DNM3: variants seen among roughly 807,000 people sequenced by gnomAD.
DNM3 encodes the protein dynamin-3.
DNM3 carries 47 observed loss-of-function variants against 101.6 expected under a neutral mutation model. The observed-to-expected ratio is 0.46, with a 90% CI of 0.37 to 0.59. DNM3 has a LOEUF of 0.59. DNM3 is among the 20% of genes least tolerant of loss of function. The probability of loss-of-function intolerance (pLI) is 0.00; values close to 1 mark genes in which losing one functional copy is unlikely to be tolerated. For missense variants in DNM3, 849 were observed against 1,085.7 expected (o/e 0.78, Z 3.06); for synonymous variants, 385 against 387.9 (o/e 0.99, Z 0.09).
intron 11 of DNM3, among the ~76,000 whole-genome samples, chr1:172,075,538 C>T (rs1298452111): frequency 1.3e-5 from 2 of 152,126 alleles, no homozygotes; most frequent in Non-Finnish European, 2.9e-5. Context: ...TATGGCTAGC[C>T]AGTTTTCCCA....
intron 13 of DNM3, among the ~76,000 whole-genome samples, chr1:172,116,201 T>C (rs1455361594): frequency 6.6e-6 from 1 of 152,220 alleles, no homozygotes; most frequent in African/African-American, 2.4e-5. Flanking sequence ...TACATGCATC[T>C]TCCCCTTTTT....
intron 14 of DNM3, among the ~76,000 whole-genome samples, chr1:172,191,580 G>A (rs2059725558): frequency 6.6e-6 from 1 of 152,068 alleles, no homozygotes; most frequent in Non-Finnish European, 1.5e-5. Context: ...GATAGGGATG[G>A]CATTGAATCT....
rs559471333 is a variant in DNM3 at position 172,211,466 on chromosome 1, G to A, written c.1660-42107G>A. On this transcript the variant is annotated intron_variant, in intron 14 of 20. Coordinates refer to ENST00000627582, the MANE Select transcript of DNM3 (RefSeq NM_015569.5). Reference sequence around the variant, plus strand: ...ATGTGCAGTGACCATTGCCACAGGCGTGAACTTCTTAATGCATTTTGCAGA... The same window carrying A: ...ATGTGCAGTGACCATTGCCACAGGCATGAACTTCTTAATGCATTTTGCAGA... Among the ~76,000 whole-genome samples, 65 of 152,224 alleles carry A rather than the reference G, an allele frequency of 4.3e-4. 2 individuals are homozygous for A. In the South Asian group the frequency reaches 5.6e-3, roughly 13 times the overall value.
intron 1 of DNM3, among the ~76,000 whole-genome samples, chr1:171,913,626 C>A (rs1362707967): frequency 1.3e-5 from 2 of 152,170 alleles, no homozygotes; most frequent in Non-Finnish European, 2.9e-5. Flanking sequence ...GGATTCTTGA[C>A]CTCAGTGCTT....
chr1:172,143,399 C>T (rs917235845), intron 14 of DNM3, among the ~76,000 whole-genome samples: 1 of 152,058 alleles, frequency 6.6e-6, no homozygotes, highest in Non-Finnish European at 1.5e-5. Flanking sequence ...CCAGAACTTT[C>T]TTTAAGGGGC....
intron 2 of DNM3, among the ~76,000 whole-genome samples, chr1:171,968,808 AAATATT>A (rs1468348492): frequency 6.6e-6 from 1 of 152,168 alleles, no homozygotes; most frequent in African/African-American, 2.4e-5. Flanking sequence ...GACTAAATTT[AAATATT>A]GTTTTTAATT....
chr1:172,178,425 A>G (rs2059229569), intron 14 of DNM3, among the ~76,000 whole-genome samples: 1 of 151,994 alleles, frequency 6.6e-6, no homozygotes. Context: ...TTGAGTCTGT[A>G]TAATTCTGAG....
At chr1:172,200,541 A>G (rs2060116258) in intron 14 of DNM3, among the ~76,000 whole-genome samples, 1 of 152,138 alleles carries the variant, frequency 6.6e-6, no homozygotes, top group Non-Finnish European at 1.5e-5. Context: ...CAGGGATGCC[A>G]GTGATTTGTA....
chr1:172,388,457 T>G, intron 19 of DNM3, 116 bp from the exon 20 acceptor site: 2 of 894,670 alleles, frequency 2.2e-6, no homozygotes, highest in South Asian at 1.7e-5. Context: ...TGACATGAAT[T>G]GGACTTATTC....
At chr1:171,856,429 T>C (rs139870681) in intron 1 of DNM3, among the ~76,000 whole-genome samples, 2 of 152,338 alleles carry the variant, frequency 1.3e-5, no homozygotes, top group Non-Finnish European at 2.9e-5. Context: ...GGTAGTTTGA[T>C]AGGAATAATA....
chr1:171,883,625 C>T (rs1237376845), intron 1 of DNM3, among the ~76,000 whole-genome samples: 3 of 152,000 alleles, frequency 2.0e-5, no homozygotes, highest in African/African-American at 7.2e-5. Context: ...GCACACACCA[C>T]CACACCTGGC....
At chr1:172,346,109 C>G in intron 17 of DNM3, among the ~76,000 whole-genome samples, 1 of 118,388 alleles carries the variant, frequency 8.4e-6, no homozygotes. Context: ...GGCGACAGAG[C>G]GAGACTCCGT....
At chr1:172,105,591 AT>A (rs1354718829) in intron 13 of DNM3, among the ~76,000 whole-genome samples, 1 of 152,026 alleles carries the variant, frequency 6.6e-6, no homozygotes, top group African/African-American at 2.4e-5. Flanking sequence ...GCTTTTGTAG[AT>A]TACTTATTCT....
intron 15 of DNM3, among the ~76,000 whole-genome samples, chr1:172,267,642 A>G (rs556077792): frequency 6.6e-6 from 1 of 152,218 alleles, no homozygotes; most frequent in East Asian, 1.9e-4. Flanking sequence ...AATGCTTTGT[A>G]GATAGCTACA....
At chr1:172,076,241 T>C (rs1404870592) in intron 11 of DNM3, among the ~76,000 whole-genome samples, 1 of 152,242 alleles carries the variant, frequency 6.6e-6, no homozygotes, top group Non-Finnish European at 1.5e-5. Context: ...TTTCTAAATA[T>C]ACAATCATGT....
At chr1:172,285,384 C>T (rs2063659174) in intron 15 of DNM3, among the ~76,000 whole-genome samples, 6 of 152,116 alleles carry the variant, frequency 3.9e-5, no homozygotes, top group Admixed American at 3.9e-4. Flanking sequence ...CTCACCCCAT[C>T]CCAATCTCAC....
chr1:172,070,740 G>A (rs139065843), intron 11 of DNM3, among the ~76,000 whole-genome samples: 1 of 152,144 alleles, frequency 6.6e-6, no homozygotes, highest in African/African-American at 2.4e-5. Context: ...ATCTTAAAGT[G>A]AGACAATAGT....
chr1:171,884,456 A>G lies in DNM3; in HGVS notation c.162-37292A>G, dbSNP rs137993582. On this transcript the variant is annotated intron_variant, in intron 1 of 20. Transcript: ENST00000627582. ...TTCGCACTGTCTTACAACTAATTGT[A>G]TATAAGTCTAGCTTCCCTATGAGGC... is the stretch of plus-strand genomic sequence containing the variant. 7.0e-4 allele frequency among the ~76,000 whole-genome samples: 106 copies of G among 152,340 alleles called. 1 individual carries two copies. The highest frequency in any genetic ancestry group is 2.4e-3 in the African/African-American group (99 of 41,578).
At chr1:172,077,332 T>C (rs1268202909) in intron 11 of DNM3, among the ~76,000 whole-genome samples, 1 of 152,180 alleles carries the variant, frequency 6.6e-6, no homozygotes, top group East Asian at 1.9e-4. Context: ...TCTGATCTGA[T>C]CTTATTTATT....
Sources: allele counts gnomAD v4.1 joint callset (sites outside exome capture counted in the v4.1 genomes callset), GRCh38; gene constraint gnomAD v4.1.1; transcripts MANE v1.5; gene names NCBI Gene and HGNC (gene_info 2026-07-23, HGNC 2026-07-21).